KIAA1217: variants seen among roughly 807,000 people sequenced by gnomAD.
KIAA1217 encodes sickle tail protein homolog.
KIAA1217 carries 88 observed loss-of-function variants against 163.9 expected under a neutral mutation model. The ratio of observed to expected loss-of-function variants is 0.54; its 90% CI spans 0.45 to 0.64. KIAA1217 has a LOEUF of 0.64. Ranked by LOEUF, KIAA1217 falls within the 30% of genes least tolerant of loss-of-function variation. KIAA1217 has a pLI of 0.00. For synonymous variants in KIAA1217, 903 were observed against 923.1 expected (o/e 0.98, Z 0.39); for missense variants, 2,372 against 2,475.0 (o/e 0.96, Z 0.88).
intron 2 of KIAA1217, among the ~76,000 whole-genome samples, chr10:24,179,085 T>G (rs1244230948): frequency 6.6e-6 from 1 of 152,202 alleles, no homozygotes; most frequent in Non-Finnish European, 1.5e-5. Flanking sequence ...TTATCTCCCA[T>G]GTACACAGAG....
At chr10:24,113,003 C>G (rs1451291507) in intron 2 of KIAA1217, among the ~76,000 whole-genome samples, 1 of 152,112 alleles carries the variant, frequency 6.6e-6, no homozygotes. Context: ...CCCCCAGAAG[C>G]AAGAGAGGAG....
chr10:23,892,443 G>A (rs1371621165), intron 1 of KIAA1217, among the ~76,000 whole-genome samples: 1 of 151,900 alleles, frequency 6.6e-6, no homozygotes, highest in East Asian at 1.9e-4. Context: ...AAGCCTTGTT[G>A]AGATTTGTGG....
In KIAA1217 at chr10:24,058,296, G is replaced by T. The variant is rs1050801623; in HGVS notation, c.-171+50922G>T. ...GCACCATTCTGTTTTAATTACTGTA[G>T]ATTTTTAATATATTTTGAAATCAGG... On this transcript the variant is annotated intron_variant, in intron 2 of 18. Coordinates refer to the KIAA1217 transcript ENST00000376462. 3.9e-5 allele frequency among the ~76,000 whole-genome samples: 6 copies of T among 152,202 alleles called. No individual in the cohort carries two copies. In the Middle Eastern group the frequency reaches 0.017, roughly 431 times the overall value.
chr10:23,834,886 G>T (rs1203085006), intron 1 of KIAA1217, among the ~76,000 whole-genome samples: 1 of 152,122 alleles, frequency 6.6e-6, no homozygotes, highest in East Asian at 1.9e-4. Context: ...TCAGCATTCA[G>T]ACGTATTCAT....
At chr10:23,807,179 C>T (rs1196337002) in intron 1 of KIAA1217, among the ~76,000 whole-genome samples, 1 of 152,236 alleles carries the variant, frequency 6.6e-6, no homozygotes, top group Non-Finnish European at 1.5e-5. Context: ...CTGCTCCTGT[C>T]TGCACAGGGC....
chr10:24,093,063 G>C (rs1278349910), intron 2 of KIAA1217, among the ~76,000 whole-genome samples: 1 of 151,424 alleles, frequency 6.6e-6, no homozygotes, highest in Non-Finnish European at 1.5e-5. Flanking sequence ...GCATGATCTC[G>C]ACTCACTGCA....
At chr10:23,973,744 G>A (rs576788469) in intron 1 of KIAA1217, among the ~76,000 whole-genome samples, 1 of 152,046 alleles carries the variant, frequency 6.6e-6, no homozygotes, top group Admixed American at 6.6e-5. Flanking sequence ...CATGTTGAAT[G>A]CCTATTTGCT....
chr10:23,856,849 T>G (rs942094941), intron 1 of KIAA1217, among the ~76,000 whole-genome samples: 1 of 152,232 alleles, frequency 6.6e-6, no homozygotes, highest in Non-Finnish European at 1.5e-5. Flanking sequence ...GCGCCTTTTT[T>G]TAAGCCCATC....
intron 6 of KIAA1217, among the ~76,000 whole-genome samples, chr10:24,475,979 G>A (rs993422610): frequency 6.6e-6 from 1 of 152,144 alleles, no homozygotes. Context: ...ATAATGTTGA[G>A]AGCCAGAATC....
intron 2 of KIAA1217, among the ~76,000 whole-genome samples, chr10:24,098,760 T>TGTG (rs1554865618): frequency 2.7e-5 from 4 of 146,832 alleles, no homozygotes; most frequent in African/African-American, 5.1e-5. Context: ...TGTGTGTGTG[T>TGTG]TAGAGAGAGA....
chr10:24,349,642 G>A (rs1334495650), intron 2 of KIAA1217, among the ~76,000 whole-genome samples: 2 of 152,186 alleles, frequency 1.3e-5, no homozygotes, highest in Non-Finnish European at 2.9e-5. Context: ...CTGAGGCTAT[G>A]GTGTGCTGGT....
At chr10:24,538,874 C>T (rs2074547618) in intron 17 of KIAA1217, among the ~76,000 whole-genome samples, 2 of 151,172 alleles carry the variant, frequency 1.3e-5, no homozygotes, top group African/African-American at 4.9e-5. Flanking sequence ...GCTGGGATTA[C>T]AGGCGCCTGC....
chr10:24,527,905 G>A (rs376278231), intron 13 of KIAA1217, 31 bp from the exon 14 acceptor site: 41 of 1,586,682 alleles, frequency 2.6e-5, no homozygotes, highest in Middle Eastern at 3.3e-4. Context: ...ATGTGTCCAC[G>A]TAACTTCCTT....
chr10:24,346,466 C>CGTCTCAAA (rs2047786239), intron 2 of KIAA1217, among the ~76,000 whole-genome samples: 1 of 151,578 alleles, frequency 6.6e-6, no homozygotes, highest in Non-Finnish European at 1.5e-5. Flanking sequence ...AGCGAGACTC[C>CGTCTCAAA]GTCTCAAAAA....
intron 5 of KIAA1217, chr10:24,449,753 G>A (rs915612351): frequency 4.1e-6 from 4 of 985,014 alleles, no homozygotes; most frequent in South Asian, 4.7e-5. Flanking sequence ...AAAGGCTCAC[G>A]GAAAATGTAA....
chr10:24,362,726 C>A (rs1045159157), intron 2 of KIAA1217, among the ~76,000 whole-genome samples: 1 of 152,112 alleles, frequency 6.6e-6, no homozygotes, highest in Non-Finnish European at 1.5e-5. Context: ...CTGGGCCGGG[C>A]GCGGTGGCTC....
At chr10:24,514,945 T>A (rs746650139) in intron 10 of KIAA1217, among the ~76,000 whole-genome samples, 1 of 151,752 alleles carries the variant, frequency 6.6e-6, no homozygotes, top group Non-Finnish European at 1.5e-5. Context: ...TGAGCCGAGA[T>A]TGCACCACTG....
At chr10:23,758,156 T>C (rs1423071309) in intron 1 of KIAA1217, among the ~76,000 whole-genome samples, 2 of 152,214 alleles carry the variant, frequency 1.3e-5, no homozygotes, top group African/African-American at 4.8e-5. Context: ...AGCTTTTGCC[T>C]CATGTTTTCT....
chr10:24,452,000 G>A (rs2061409405), intron 5 of KIAA1217, among the ~76,000 whole-genome samples: 1 of 152,104 alleles, frequency 6.6e-6, no homozygotes, highest in Admixed American at 6.5e-5. Context: ...AGGGCTTCCA[G>A]GGGACCATTT....
Sources: gnomAD v4.1 joint callset for allele counts (sites outside exome capture counted in the v4.1 genomes callset) on GRCh38, gnomAD v4.1.1 for gene constraint, MANE v1.5 for transcripts, NCBI Gene and HGNC (gene_info 2026-07-23, HGNC 2026-07-21) for gene names.